The following ZMAT4 variants were observed in gnomAD, a reference collection of about 807,000 sequenced individuals.
The protein encoded by ZMAT4 is zinc finger matrin-type protein 4.
ZMAT4 carries 17 observed loss-of-function variants against 28.7 expected under a neutral mutation model. The ratio of observed to expected loss-of-function variants is 0.59; its 90% CI spans 0.41 to 0.89. The LOEUF (loss-of-function observed/expected upper bound fraction) is 0.89, where lower values mean the gene tolerates loss of function less well. Among genes scored for constraint, ZMAT4 ranks in the 40% least tolerant of loss-of-function variants. ZMAT4 has a pLI of 0.00. For synonymous variants in ZMAT4, 117 were observed against 109.2 expected (o/e 1.07, Z -0.44); for missense variants, 240 against 283.8 (o/e 0.85, Z 1.11).
chr8:40,724,057 GT>G (rs912108772), intron 3 of ZMAT4, among the ~76,000 whole-genome samples: 47 of 150,154 alleles, frequency 3.1e-4, no homozygotes, highest in African/African-American at 7.3e-4. Flanking sequence ...TTTATGTGAG[GT>G]TTTTTTTTTC....
chr8:40,536,924 A>G (rs1447999960), intron 6 of ZMAT4, among the ~76,000 whole-genome samples: 2 of 151,976 alleles, frequency 1.3e-5, no homozygotes, highest in African/African-American at 4.8e-5. Context: ...AAGAGAAGAG[A>G]AAGAGAATAT....
At chr8:40,810,541 A>G (rs1219223169) in intron 2 of ZMAT4, among the ~76,000 whole-genome samples, 1 of 152,218 alleles carries the variant, frequency 6.6e-6, no homozygotes, top group Non-Finnish European at 1.5e-5. Context: ...ATCAAAATGG[A>G]TTTCTACCTT....
intron 3 of ZMAT4, among the ~76,000 whole-genome samples, chr8:40,738,599 G>T (rs1302690728): frequency 6.6e-6 from 1 of 152,176 alleles, no homozygotes; most frequent in East Asian, 1.9e-4. Flanking sequence ...ACTGCCTGTT[G>T]TCCCCCCAGC....
intron 3 of ZMAT4, among the ~76,000 whole-genome samples, chr8:40,702,019 T>C (rs1810171513): frequency 6.6e-6 from 1 of 152,166 alleles, no homozygotes; most frequent in Admixed American, 6.5e-5. Context: ...AGAGGGGGTT[T>C]GTTATCAAGA....
At position 40,775,416 on chromosome 8, in the gene ZMAT4, G is replaced by C. The variant is rs146285521; in HGVS notation, c.103-7686C>G. On this transcript the variant is annotated intron_variant, in intron 2 of 6. Transcript: ENST00000297737. ...CCCACAGGCATTTGACAGAGTGCAC[G>C]GTGGAGGAAACGTCTCAGCAGGTGA... 4.0e-3 allele frequency among the ~76,000 whole-genome samples: 609 copies of C among 152,302 alleles called. 3 individuals carry two copies. The highest frequency in any genetic ancestry group is 7.0e-3 in the African/African-American group (290 of 41,560).
At chr8:40,764,833 T>G (rs2150559199) in intron 3 of ZMAT4, among the ~76,000 whole-genome samples, 1 of 152,208 alleles carries the variant, frequency 6.6e-6, no homozygotes, top group African/African-American at 2.4e-5. Context: ...TCGATATTAT[T>G]ATTATTATTA....
chr8:40,689,942 C>T (rs777225486), intron 4 of ZMAT4, among the ~76,000 whole-genome samples: 4 of 151,960 alleles, frequency 2.6e-5, no homozygotes, highest in Non-Finnish European at 4.4e-5. Flanking sequence ...ATCGAGTTTA[C>T]GGTATTGAAA....
At chr8:40,875,589 T>TGTGGG (rs1298428160) in intron 1 of ZMAT4, among the ~76,000 whole-genome samples, 3 of 152,136 alleles carry the variant, frequency 2.0e-5, no homozygotes, top group Non-Finnish European at 4.4e-5. Context: ...CTAGAGTGTG[T>TGTGGG]GTGGGGTGTG....
chr8:40,830,916 T>C (rs559549457), intron 1 of ZMAT4, among the ~76,000 whole-genome samples: 83 of 152,236 alleles, frequency 5.5e-4, no homozygotes, highest in Non-Finnish European at 1.1e-3. Context: ...ACAGGGTTAT[T>C]GTGAGGATTA....
intron 5 of ZMAT4, among the ~76,000 whole-genome samples, chr8:40,639,981 A>C (rs905560870): frequency 5.3e-5 from 8 of 152,098 alleles, no homozygotes; most frequent in South Asian, 4.2e-4. Flanking sequence ...GTATGTATTT[A>C]TGTATGTATG....
At chr8:40,831,943 T>C (rs952094547) in intron 1 of ZMAT4, among the ~76,000 whole-genome samples, 1 of 152,150 alleles carries the variant, frequency 6.6e-6, no homozygotes, top group Non-Finnish European at 1.5e-5. Flanking sequence ...TTTAATTCCC[T>C]CAAAGAGCTG....
chr8:40,865,214 T>G (rs1483786503), intron 1 of ZMAT4, among the ~76,000 whole-genome samples: 1 of 152,176 alleles, frequency 6.6e-6, no homozygotes, highest in East Asian at 1.9e-4. Context: ...TGCCACTTAT[T>G]CTCTCGCTTC....
chr8:40,538,614 G>A (rs968805571), intron 6 of ZMAT4, among the ~76,000 whole-genome samples: 5 of 152,120 alleles, frequency 3.3e-5, no homozygotes, highest in African/African-American at 9.7e-5. Context: ...AGAGAGTTCA[G>A]TACCCCTCTT....
intron 5 of ZMAT4, among the ~76,000 whole-genome samples, chr8:40,642,488 A>T (rs1490255702): frequency 6.6e-6 from 1 of 152,214 alleles, no homozygotes; most frequent in Admixed American, 6.5e-5. Context: ...TGGCTGTCCC[A>T]GTTTTCTCAC....
rs750132568 is a variant in ZMAT4 at position 40,536,684 on chromosome 8, C to A, written c.675-4446G>T. ...TCTCTGCTTGCCCAGCCTCTCCTAT[C>A]CCCCTTGGTGGAAACCTGCTTCTTC... On this transcript the variant is annotated intron_variant, in intron 6 of 6. Transcript: ENST00000297737. 3.7e-4 allele frequency among the ~76,000 whole-genome samples: 57 copies of A among 152,120 alleles called. No homozygotes were observed. In the South Asian group the frequency reaches 4.2e-3, roughly 11 times the overall value.
At chr8:40,868,182 GA>G (rs763490904) in intron 1 of ZMAT4, among the ~76,000 whole-genome samples, 2 of 152,016 alleles carry the variant, frequency 1.3e-5, no homozygotes, top group Admixed American at 1.3e-4. Context: ...TATTTACATG[GA>G]AAAAAAGCCA....
chr8:40,748,827 T>C (rs1812341777), intron 3 of ZMAT4, among the ~76,000 whole-genome samples: 1 of 152,178 alleles, frequency 6.6e-6, no homozygotes, highest in Non-Finnish European at 1.5e-5. Flanking sequence ...TCTTTTTTTG[T>C]TGATTTCTCT....
At chr8:40,776,152 C>T (rs886497190) in intron 2 of ZMAT4, among the ~76,000 whole-genome samples, 1 of 152,224 alleles carries the variant, frequency 6.6e-6, no homozygotes, top group Non-Finnish European at 1.5e-5. Context: ...ACTAGATGTT[C>T]TCCTGGGGTC....
intron 2 of ZMAT4, among the ~76,000 whole-genome samples, chr8:40,774,373 T>C (rs1489434730): frequency 1.3e-5 from 2 of 152,138 alleles, no homozygotes; most frequent in African/African-American, 4.8e-5. Context: ...TATATCCATA[T>C]TGGTGAAGAT....
Sources: gnomAD v4.1 joint callset for allele counts (sites outside exome capture counted in the v4.1 genomes callset) on GRCh38, gnomAD v4.1.1 for gene constraint, MANE v1.5 for transcripts, NCBI Gene and HGNC (gene_info 2026-07-23, HGNC 2026-07-21) for gene names.